CCDC178: variants seen among roughly 807,000 people sequenced by gnomAD.
CCDC178 encodes coiled-coil domain containing 178.
Under a neutral mutation model 117.4 loss-of-function variants are expected in CCDC178, and 126 were observed. The ratio of observed to expected loss-of-function variants is 1.07; its 90% CI spans 0.93 to 1.24. CCDC178 has a LOEUF of 1.24. Ranked by LOEUF, CCDC178 falls within the 50% of genes most tolerant of loss-of-function variation. The probability of loss-of-function intolerance (pLI) is 0.00; values close to 1 mark genes in which losing one functional copy is unlikely to be tolerated. For synonymous variants in CCDC178, 283 were observed against 313.4 expected (o/e 0.90, Z 1.02); for missense variants, 1,030 against 986.9 (o/e 1.04, Z -0.59).
chr18:33,327,063 A>G (rs1842324026), intron 10 of CCDC178, among the ~76,000 whole-genome samples: 1 of 152,228 alleles, frequency 6.6e-6, no homozygotes, highest in Admixed American at 6.5e-5. Context: ...TAATAATTTT[A>G]AAGAGTTTTA....
rs1417957051 is a variant in CCDC178, at chr18:33,029,675, A to T, written c.2389-54994T>A. Among the ~76,000 whole-genome samples, 5 of 151,898 alleles carry T rather than the reference A, an allele frequency of 3.3e-5. No individual in the cohort carries two copies. In the South Asian group the frequency reaches 6.2e-4, roughly 19 times the overall value. On this transcript the variant is annotated intron_variant, in intron 21 of 22. Coordinates refer to ENST00000383096, the MANE Select transcript of CCDC178 (RefSeq NM_001105528.4). ...GAACACTGCTTTAACTACATCTCAC[A>T]AGTTTTGGTATATGGTGTCCTTATC...
At chr18:33,100,031 G>A (rs1458569120) in intron 20 of CCDC178, among the ~76,000 whole-genome samples, 2 of 151,942 alleles carry the variant, frequency 1.3e-5, no homozygotes, top group Non-Finnish European at 2.9e-5. Context: ...TACTGAGCAA[G>A]ACAGAAAAGC....
intron 20 of CCDC178, among the ~76,000 whole-genome samples, chr18:33,189,132 G>A (rs889159105): frequency 6.6e-6 from 1 of 152,106 alleles, no homozygotes; most frequent in African/African-American, 2.4e-5. Flanking sequence ...TGGGGTATCA[G>A]TTAGTACTCC....
chr18:33,061,585 A>T (rs1043105824), intron 21 of CCDC178, among the ~76,000 whole-genome samples: 4 of 152,194 alleles, frequency 2.6e-5, no homozygotes, highest in African/African-American at 7.2e-5. Context: ...TAAGTGGCAA[A>T]TATTAACTAC....
intron 15 of CCDC178, among the ~76,000 whole-genome samples, chr18:33,244,238 A>ATT (rs140190039): frequency 6.6e-6 from 1 of 150,940 alleles, no homozygotes; most frequent in African/African-American, 2.4e-5. Context: ...TTTTCTAGGT[A>ATT]TTTTTTTTTG....
chr18:33,331,348 C>G (rs1308066537), intron 10 of CCDC178, among the ~76,000 whole-genome samples: 1 of 152,048 alleles, frequency 6.6e-6, no homozygotes, highest in African/African-American at 2.4e-5. Context: ...AGAAATATAT[C>G]TGACTATCCT....
At chr18:33,399,257 C>G (rs376911697) in intron 3 of CCDC178, among the ~76,000 whole-genome samples, 1 of 151,852 alleles carries the variant, frequency 6.6e-6, no homozygotes, top group Non-Finnish European at 1.5e-5. Context: ...AATCTTTTCA[C>G]TGATGGAGGG....
At chr18:32,938,211 A>C in intron 22 of CCDC178, 120 bp from the exon 23 acceptor site, 1 of 686,592 alleles carries the variant, frequency 1.5e-6, no homozygotes. Flanking sequence ...GACAAACACC[A>C]TTACATTCTC....
intron 21 of CCDC178, among the ~76,000 whole-genome samples, chr18:32,999,466 T>C (rs1200824859): frequency 6.6e-6 from 1 of 152,174 alleles, no homozygotes; most frequent in Non-Finnish European, 1.5e-5. Flanking sequence ...CTGCTGATTC[T>C]AGAGCCCTAT....
chr18:33,393,230 C>G (rs1207428592), intron 4 of CCDC178, among the ~76,000 whole-genome samples: 1 of 152,090 alleles, frequency 6.6e-6, no homozygotes, highest in Non-Finnish European at 1.5e-5. Flanking sequence ...TGAGCTTTAA[C>G]ATATATTCTA....
In CCDC178 at chr18:33,086,969, G is replaced by GACACAC. The variant is rs71949744; in HGVS notation, c.2388+5786_2388+5791dup. ...TTTGGGAACAAAATAGCTATTGGTT[G>GACACAC]ACACACACACACACACACACACACA... is the stretch of plus-strand genomic sequence containing the variant. On this transcript the variant is annotated intron_variant, in intron 21 of 22. Coordinates refer to ENST00000383096, the MANE Select transcript of CCDC178 (RefSeq NM_001105528.4). 5.5e-3 allele frequency among the ~76,000 whole-genome samples: 687 copies of GACACAC among 124,102 alleles called. 4 individuals carry two copies. The highest frequency in any genetic ancestry group is 0.018 in the African/African-American group (583 of 32,692). The allele number at this position is 124,102 out of a possible 152,430, so 81.4% of individuals were successfully genotyped here.
intron 9 of CCDC178, among the ~76,000 whole-genome samples, chr18:33,342,504 C>T: frequency 6.6e-6 from 1 of 152,178 alleles, no homozygotes; most frequent in Non-Finnish European, 1.5e-5. Flanking sequence ...GGAATTGTAT[C>T]TCCAAATGGA....
intron 20 of CCDC178, among the ~76,000 whole-genome samples, chr18:33,120,234 C>T (rs1411126046): frequency 6.6e-6 from 1 of 151,866 alleles, no homozygotes; most frequent in Non-Finnish European, 1.5e-5. Context: ...CATAACAGTT[C>T]CACTGAATTA....
rs1298782412 is a variant in CCDC178 at position 33,006,164 on chromosome 18, T to C, written c.2389-31483A>G. ...TTGTTGACTCATTTAGCCTTTGTAA[T>C]AGTCTAAAATAACTTATTTAAGATT... is the stretch of plus-strand genomic sequence containing the variant. On this transcript the variant is annotated intron_variant, in intron 21 of 22. Transcript: ENST00000383096. Among the ~76,000 whole-genome samples the C allele has an allele frequency of 2.0e-5, 3 of 152,180 alleles. No individual in the cohort carries two copies. In the East Asian group the frequency reaches 5.8e-4, roughly 29 times the overall value.
chr18:33,041,953 G>A (rs2056557665), intron 21 of CCDC178, among the ~76,000 whole-genome samples: 1 of 151,904 alleles, frequency 6.6e-6, no homozygotes, highest in Non-Finnish European at 1.5e-5. Flanking sequence ...ATTTGAGGAG[G>A]AAGAATGTTT....
intron 22 of CCDC178, among the ~76,000 whole-genome samples, chr18:32,957,400 A>C (rs1387932581): frequency 1.3e-5 from 2 of 152,194 alleles, no homozygotes; most frequent in Non-Finnish European, 2.9e-5. Context: ...TTAACATAGC[A>C]GCAGAAGGTG....
intron 21 of CCDC178, among the ~76,000 whole-genome samples, chr18:33,005,167 A>G (rs2055722230): frequency 6.6e-6 from 1 of 152,150 alleles, no homozygotes; most frequent in South Asian, 2.1e-4. Context: ...CTGCACTCTC[A>G]TGTTTACTGC....
chr18:33,412,190 G>C lies in CCDC178; in HGVS notation c.-22-80C>G, dbSNP rs1000847696. On this transcript the variant is annotated intron_variant, in intron 2 of 22. Transcript: ENST00000383096. ...ATTTTACTAAAAATTGTCAATTCAAGAACTGATAGTGTAAAATGTAAGGAT... is the reference window on the plus strand; with the variant it reads ...ATTTTACTAAAAATTGTCAATTCAACAACTGATAGTGTAAAATGTAAGGAT... The C allele has an allele frequency of 5.2e-5, 28 of 537,156 alleles. 1 individual carries two copies. The highest frequency in any genetic ancestry group is 1.6e-5 in the Non-Finnish European group (5 of 306,614). 33.3% of individuals were successfully genotyped at this position (537,156 alleles called of 1,614,324 possible). A position where few individuals can be genotyped will look rare whatever the true frequency, so the allele number is the denominator to read the frequency against.
chr18:33,041,672 A>G (rs2056551922), intron 21 of CCDC178, among the ~76,000 whole-genome samples: 1 of 151,672 alleles, frequency 6.6e-6, no homozygotes, highest in Admixed American at 6.6e-5. Flanking sequence ...TCTTAAATTG[A>G]GAAATTCATT....
Sources: gnomAD v4.1 joint callset for allele counts (sites outside exome capture counted in the v4.1 genomes callset) on GRCh38, gnomAD v4.1.1 for gene constraint, MANE v1.5 for transcripts, NCBI Gene and HGNC (gene_info 2026-07-23, HGNC 2026-07-21) for gene names.